The following BTBD19 variants were observed in gnomAD, a reference collection of about 807,000 sequenced individuals.
BTBD19 encodes the protein BTB domain containing 19, also known as BTB/POZ domain-containing protein 19.
Under a neutral mutation model 36.1 loss-of-function variants are expected in BTBD19, and 20 were observed. The ratio of observed to expected loss-of-function variants is 0.55; its 90% CI spans 0.39 to 0.80. BTBD19 has a LOEUF of 0.80. BTBD19 is among the 30% of genes least tolerant of loss of function. BTBD19 has a pLI of 0.00. For missense variants in BTBD19, 325 were observed against 389.8 expected, an observed-to-expected ratio of 0.83 and a Z score of 1.40; for synonymous variants, 157 against 174.3, an observed-to-expected ratio of 0.90 and a Z score of 0.78.
In BTBD19 at chr1:44,810,141, G is replaced by A. The variant is rs1344812358; in HGVS notation, c.87-72G>A. 3.5e-5 allele frequency: 47 copies of A among 1,356,384 alleles called. No homozygotes were observed. In the Admixed American group the frequency reaches 9.1e-4, roughly 26 times the overall value. 84.0% of individuals were successfully genotyped at this position (1,356,384 alleles called of 1,614,324 possible). A position where few individuals can be genotyped will look rare whatever the true frequency, so the allele number is the denominator to read the frequency against. ...GTTAGGAAACTAAGACCCAGAGTGGGCAAAGGCACAGCCCAAGTTGCACTC... is the reference window on the plus strand; with the variant it reads ...GTTAGGAAACTAAGACCCAGAGTGGACAAAGGCACAGCCCAAGTTGCACTC... On this transcript the variant is annotated intron_variant, in intron 1 of 7. Coordinates refer to ENST00000450269, the Ensembl canonical transcript of BTBD19. This position sits in a 1 kb window ranked among gnomAD's most constrained non-coding sequence, Gnocchi z 4.2.
downstream of BTBD19, chr1:44,814,158 C>CTTTCTGTCTTTCTTTCTTTCT (rs1557635315): frequency 8.2e-6 from 1 of 121,526 alleles, no homozygotes; most frequent in East Asian, 2.6e-4. Context: ...CTCTTTCTTT[C>CTTTCTGTCTTTCTTTCTTTCT]TTTCTTTCTT....
At chr1:44,815,540 A>G (rs149003906), downstream of BTBD19, 685 of 152,082 alleles carry the variant, frequency 4.5e-3, 4 homozygotes, top group East Asian at 6.8e-3. Context: ...TCTCTGTCAG[A>G]TAATCAGTGC....
In BTBD19 at chr1:44,813,141, G is replaced by GC. The variant is rs1335658490; in HGVS notation, c.490dup (p.Leu164ProfsTer29). 2 of 1,541,942 alleles carry GC rather than the reference G, an allele frequency of 1.3e-6. No homozygotes were observed. The highest frequency in any genetic ancestry group is 4.0e-5 in the Admixed American group (2 of 50,418). On this transcript the variant is annotated frameshift_variant, in exon 6 of 8. Transcript: ENST00000450269. LOFTEE classifies it high-confidence loss of function. This position sits in a 1 kb window ranked among gnomAD's most constrained non-coding sequence, Gnocchi z 7.8. ...TGACCCATTTGCCGGCTCGCAGGAGGCCCTCCGGACCCGAGGCTTCCTGGA... is the reference window on the plus strand; with the variant it reads ...TGACCCATTTGCCGGCTCGCAGGAGGCCCCTCCGGACCCGAGGCTTCCTGGA...
At chr1:44,811,994 G>C (rs1362684567) in intron 3 of BTBD19, 45 bp from the exon 4 acceptor site, 3 of 1,275,322 alleles carry the variant, frequency 2.4e-6, no homozygotes, top group African/African-American at 3.1e-5. Context: ...TAGTGTCTTG[G>C]AGCAGGGACA....
chr1:44,813,429 G>A lies in BTBD19; in HGVS notation c.671G>A (p.Arg224Lys). 6.5e-7 allele frequency: 1 copy of A among 1,543,620 alleles called. No homozygotes were observed. ...GCGGCCCCGGTGGTGAAAGAGCTGA[G>A]ACTAGCCTTGCTGGCCCCGGCGGAG... The change falls in exon 7 of 8, where the codon AGA (arginine) becomes AAA (lysine). Residue 224 changes from arginine to lysine, a missense_variant. Arg to Lys is a conservative substitution (Grantham distance 26). Transcript: ENST00000450269. The surrounding 1 kb of genome is among the most constrained non-coding windows in gnomAD (Gnocchi z 7.8).
intron 4 of BTBD19, 44 bp from the exon 5 acceptor site, chr1:44,812,952 G>C (rs1220316122): frequency 1.3e-6 from 2 of 1,494,906 alleles, no homozygotes; most frequent in Admixed American, 2.1e-5. Flanking sequence ...GCTGGGCTAC[G>C]GCCTCTCCAG....
In BTBD19 at chr1:44,810,402, C is replaced by T. The variant is rs1305084307; in HGVS notation, c.276C>T (p.Asn92=). The T allele has an allele frequency of 6.4e-7, 1 of 1,551,586 alleles. No individual in the cohort carries two copies. The highest frequency in any genetic ancestry group is 8.7e-7 in the Non-Finnish European group (1 of 1,146,920). The stretch of plus-strand genomic sequence containing the variant: ...CAGTGCTGGAGTTCCTATATACCAA[C>T]AGTGTCAAGCTGTACCGCCACTCTG... Residue 92 remains asparagine (N), a synonymous_variant, in exon 2 of 8, where the codon AAC becomes AAT. Coordinates refer to ENST00000450269, the Ensembl canonical transcript of BTBD19. The surrounding 1 kb of genome is among the most constrained non-coding windows in gnomAD (Gnocchi z 4.2).
Position 44,813,678 on chromosome 1 carries a change from G to A in BTBD19, c.782G>A (p.Arg261Gln), listed in dbSNP as rs1374779011. ...GAGGCGTGGAAATGCCATGCCCTGC[G>A]GAGAGGGGATGAGGCCCGGGGCGCC... The change falls in exon 8 of 8, where the codon CGG (arginine) becomes CAG (glutamine). Residue 261 changes from arginine (R) to glutamine (Q), a missense_variant. Physicochemically the swap from Arg to Gln is conservative, Grantham distance 43. Coordinates refer to ENST00000450269, the Ensembl canonical transcript of BTBD19. This position sits in a 1 kb window ranked among gnomAD's most constrained non-coding sequence, Gnocchi z 7.8. The A allele has an allele frequency of 1.3e-6, 2 of 1,551,440 alleles. No individual in the cohort carries two copies. Among genetic ancestry groups the A allele is most frequent in the South Asian group, 1.2e-5 (1 of 84,038 alleles).
chr1:44,814,235 C>CTCT (rs1652619680), downstream of BTBD19: 1 of 93,254 alleles, frequency 1.1e-5, no homozygotes, highest in African/African-American at 4.5e-5. Context: ...TCTTTCCTTC[C>CTCT]TTCCTTCCTT....
At position 44,813,986 on chromosome 1, in the gene BTBD19, C is replaced by CT. The variant is rs1438207634; in HGVS notation, c.*215dup. On this transcript the variant is annotated 3_prime_UTR_variant, in exon 8 of 8. Coordinates refer to ENST00000450269, the Ensembl canonical transcript of BTBD19. This position sits in a 1 kb window ranked among gnomAD's most constrained non-coding sequence, Gnocchi z 7.8. ...GGGGTCGGGCCGGGCAGGGCTTGGG[C>CT]TGGGCCTCCCTGAGGGGGTGAAACT... 1.4e-6 allele frequency: 1 copy of CT among 709,402 alleles called. No individual in the cohort carries two copies. Among genetic ancestry groups the CT allele is most frequent in the Non-Finnish European group, 2.3e-6 (1 of 435,908 alleles). The allele number at this position is 709,402 out of a possible 1,614,324, so 43.9% of individuals were successfully genotyped here.
chr1:44,810,259 C>G lies in BTBD19; in HGVS notation c.133C>G (p.His45Asp). ...TCAAGAACGGCAGGAGGTATTTGCC[C>G]ATCGGTGCTTGTTGGCCTGTAGATG... Residue 45 changes from histidine (H) to aspartate (D), a missense_variant, in exon 2 of 8, where the codon CAT becomes GAT. Coordinates refer to ENST00000450269, the Ensembl canonical transcript of BTBD19. This position sits in a 1 kb window ranked among gnomAD's most constrained non-coding sequence, Gnocchi z 4.2. 1.9e-6 allele frequency: 3 copies of G among 1,551,842 alleles called. No individual in the cohort carries two copies. Among genetic ancestry groups the G allele is most frequent in the Non-Finnish European group, 8.7e-7 (1 of 1,147,018 alleles).
rs6143210 is a variant in BTBD19, at chr1:44,812,786, CGTGTGTGTGTGTGT to C, written c.415-171_415-158del. On this transcript the variant is annotated intron_variant, in intron 4 of 7. Coordinates refer to ENST00000450269, the Ensembl canonical transcript of BTBD19. ...AAGAGCAGGTTGTAGAGTGAGTCCACGTGTGTGTGTGTGTGTGTGTGTGTGTGTGTGTGTGTGTG... is the reference window on the plus strand; with the variant it reads ...AAGAGCAGGTTGTAGAGTGAGTCCACGTGTGTGTGTGTGTGTGTGTGTGTG... 6.3e-3 allele frequency among the ~76,000 whole-genome samples: 857 copies of C among 135,070 alleles called. 6 individuals carry two copies. Among genetic ancestry groups the C allele is most frequent in the Admixed American group, 0.011 (154 of 13,590 alleles). 88.6% of individuals were successfully genotyped at this position (135,070 alleles called of 152,430 possible).
In BTBD19 at chr1:44,813,982, T is replaced by TG. The variant is rs907884294; in HGVS notation, c.*213dup. The TG allele has an allele frequency of 6.6e-6, 5 of 752,164 alleles. No individual in the cohort carries two copies. The highest frequency in any genetic ancestry group is 1.1e-5 in the Non-Finnish European group (5 of 473,568). 46.6% of individuals were successfully genotyped at this position (752,164 alleles called of 1,614,324 possible). A position where few individuals can be genotyped will look rare whatever the true frequency, so the allele number is the denominator to read the frequency against. On this transcript the variant is annotated 3_prime_UTR_variant, in exon 8 of 8. Transcript: ENST00000450269. This position sits in a 1 kb window ranked among gnomAD's most constrained non-coding sequence, Gnocchi z 7.8. ...AGGTGGGGTCGGGCCGGGCAGGGCT[T>TG]GGGCTGGGCCTCCCTGAGGGGGTGA...
At position 44,810,462 on chromosome 1, in the gene BTBD19, TG is replaced by T. The variant is rs1182432281; in HGVS notation, c.300+42del. 1 of 1,550,254 alleles carries T rather than the reference TG, an allele frequency of 6.5e-7. No individual in the cohort carries two copies. The highest frequency in any genetic ancestry group is 2.4e-5 in the East Asian group (1 of 40,884). ...TGACCAGGGGCCTGGGTGGGAGAGG[TG>T]GGGGGTGCCAGAGGCAGGAGTTTGC... On this transcript the variant is annotated intron_variant, in intron 2 of 7. Coordinates refer to ENST00000450269, the Ensembl canonical transcript of BTBD19. The surrounding 1 kb of genome is among the most constrained non-coding windows in gnomAD (Gnocchi z 4.2).
In BTBD19 at chr1:44,813,111, C is replaced by T. The variant is rs1044411730; in HGVS notation, c.484-27C>T. ...TCACCCTACGCACCGCATTCTGCTCCTCCCTGACCCATTTGCCGGCTCGCA... is the reference window on the plus strand; with the variant it reads ...TCACCCTACGCACCGCATTCTGCTCTTCCCTGACCCATTTGCCGGCTCGCA... On this transcript the variant is annotated intron_variant, in intron 5 of 7. Transcript: ENST00000450269. This position sits in a 1 kb window ranked among gnomAD's most constrained non-coding sequence, Gnocchi z 7.8. The T allele has an allele frequency of 6.5e-7, 1 of 1,541,246 alleles. No homozygotes were observed. Among genetic ancestry groups the T allele is most frequent in the East Asian group, 2.5e-5 (1 of 40,668 alleles).
Position 44,813,237 on chromosome 1 carries a change from C to T in BTBD19, c.583C>T (p.Arg195Cys), listed in dbSNP as rs920910130. The T allele has an allele frequency of 3.2e-6, 5 of 1,539,380 alleles. No homozygotes were observed. In the Admixed American group the frequency reaches 7.9e-5, roughly 24 times the overall value. Residue 195 changes from arginine to cysteine, a missense_variant, in exon 6 of 8, where the codon CGC becomes TGC. By Grantham distance (180) the Arg-to-Cys change is radical. Transcript: ENST00000450269. This position sits in a 1 kb window ranked among gnomAD's most constrained non-coding sequence, Gnocchi z 7.8. ...CTGCGTGGACGAGGCTGAACTGGTC[C>T]GCGCGGCCCGAAGCTGGGCGCGCGT...
chr1:44,811,108 C>T (rs1335726997), intron 3 of BTBD19, among the ~76,000 whole-genome samples: 2 of 151,558 alleles, frequency 1.3e-5, no homozygotes, highest in African/African-American at 4.9e-5. Context: ...TTAATTGCAG[C>T]TACTTGAGAG....
chr1:44,814,025 T>G, exon 8 of BTBD19: 1 of 598,802 alleles, frequency 1.7e-6, no homozygotes, highest in Admixed American at 3.0e-5. Flanking sequence ...AAACGAGGAT[T>G]TCCTTCGTTC....
intron 4 of BTBD19, chr1:44,812,593 A>C (rs956797493): frequency 2.5e-5 from 10 of 394,502 alleles, no homozygotes; most frequent in Non-Finnish European, 4.5e-5. Context: ...GCTACTCTGG[A>C]GGCTGAGGCA....
Sources: allele counts gnomAD v4.1 joint callset (sites outside exome capture counted in the v4.1 genomes callset), GRCh38; gene constraint gnomAD v4.1.1; non-coding constraint Gnocchi (gnomAD v3.1); transcripts MANE v1.5; gene names NCBI Gene and HGNC (gene_info 2026-07-23, HGNC 2026-07-21).